The following NALF1 variants were observed in gnomAD, a reference collection of about 807,000 sequenced individuals.
NALF1 encodes NALCN channel auxiliary factor 1.
Under a neutral mutation model 48.4 loss-of-function variants are expected in NALF1, and 3 were observed. The observed-to-expected ratio is 0.06, with a 90% CI of 0.03 to 0.16. NALF1 has a LOEUF of 0.16. Ranked by LOEUF, NALF1 falls within the 10% of genes least tolerant of loss-of-function variation. The pLI is 1.00. For synonymous variants in NALF1, 262 were observed against 245.7 expected, an observed-to-expected ratio of 1.07 and a Z score of -0.62; for missense variants, 526 against 571.5, an observed-to-expected ratio of 0.92 and a Z score of 0.81.
chr13:107,434,130 A>T (rs118057151), intron 1 of NALF1, among the ~76,000 whole-genome samples: 1 of 152,194 alleles, frequency 6.6e-6, no homozygotes, highest in Non-Finnish European at 1.5e-5. Flanking sequence ...GAATTCTACA[A>T]CTGTCATATT....
intron 1 of NALF1, among the ~76,000 whole-genome samples, chr13:107,386,636 G>T (rs1883535699): frequency 6.6e-6 from 1 of 152,156 alleles, no homozygotes; most frequent in African/African-American, 2.4e-5. Context: ...GCCAAACCAG[G>T]GAGATGGCCT....
intron 1 of NALF1, among the ~76,000 whole-genome samples, chr13:107,245,174 C>T (rs1880555000): frequency 6.6e-6 from 1 of 152,126 alleles, no homozygotes; most frequent in Non-Finnish European, 1.5e-5. Flanking sequence ...AATGTATTTA[C>T]AAAGCGACTA....
intron 1 of NALF1, among the ~76,000 whole-genome samples, chr13:107,432,193 C>T (rs1180413395): frequency 2.6e-5 from 4 of 152,110 alleles, no homozygotes; most frequent in Admixed American, 6.6e-5. Flanking sequence ...CATGAGGAGG[C>T]GCCACAGTCT....
intron 1 of NALF1, among the ~76,000 whole-genome samples, chr13:107,583,208 CATA>C (rs767379168): frequency 6.6e-5 from 10 of 151,912 alleles, no homozygotes; most frequent in South Asian, 4.2e-4. Flanking sequence ...ATTTATGAAA[CATA>C]ATGTTATATA....
At chr13:107,244,551 GT>G (rs981971197) in intron 1 of NALF1, among the ~76,000 whole-genome samples, 3 of 152,170 alleles carry the variant, frequency 2.0e-5, no homozygotes. Context: ...TGTCAATCTA[GT>G]TTTTTTGGAG....
chr13:107,451,543 A>T (rs944672163), intron 1 of NALF1, among the ~76,000 whole-genome samples: 1 of 152,206 alleles, frequency 6.6e-6, no homozygotes, highest in Non-Finnish European at 1.5e-5. Context: ...TAGCTAGGAT[A>T]AGCAGCATGT....
intron 1 of NALF1, among the ~76,000 whole-genome samples, chr13:107,617,700 AAAG>A (rs1217811467): frequency 2.6e-5 from 4 of 152,210 alleles, no homozygotes; most frequent in African/African-American, 9.6e-5. Context: ...GGACAAGTGC[AAAG>A]AAGGCAGCTG....
chr13:107,226,372 TAAC>T lies in NALF1; in HGVS notation c.916-15620_916-15618del, dbSNP rs200431436. On this transcript the variant is annotated intron_variant, in intron 1 of 2. Coordinates refer to ENST00000375915, the MANE Select transcript of NALF1 (RefSeq NM_001080396.3). The stretch of plus-strand genomic sequence containing the variant: ...TACATTTTTCAGCGTAAGCACAAAA[TAAC>T]GTTAACTATACATTTATTAGAATGT... 6.3e-3 allele frequency among the ~76,000 whole-genome samples: 952 copies of T among 152,320 alleles called. 4 individuals carry two copies. The highest frequency in any genetic ancestry group is 0.021 in the African/African-American group (882 of 41,578).
At chr13:107,856,661 AAT>A (rs1438202429) in intron 1 of NALF1, among the ~76,000 whole-genome samples, 2 of 152,192 alleles carry the variant, frequency 1.3e-5, no homozygotes, top group African/African-American at 4.8e-5. Context: ...GGCTAAAAAA[AAT>A]AGTTATTTTT....
At chr13:107,708,523 T>C (rs755721127) in intron 1 of NALF1, among the ~76,000 whole-genome samples, 12 of 129,798 alleles carry the variant, frequency 9.2e-5, no homozygotes, top group Non-Finnish European at 2.1e-4. Context: ...CAAGCTGTAA[T>C]TATTTTAAGA....
intron 1 of NALF1, among the ~76,000 whole-genome samples, chr13:107,621,690 C>A (rs1260735115): frequency 2.0e-5 from 3 of 152,210 alleles, no homozygotes; most frequent in Non-Finnish European, 4.4e-5. Context: ...GTCTGGCTCT[C>A]TGCCCTGTCA....
Position 107,867,304 on chromosome 13 carries a change from T to TGCC in NALF1, c.-711_-709dup, listed in dbSNP as rs71121563. Reference sequence around the variant, plus strand: ...ACCCCCCACCCCGCGCTCTAAGTGCTGCCGCCGCCGCCGCCGCCGCCGCCG... The same window carrying TGCC: ...ACCCCCCACCCCGCGCTCTAAGTGCTGCCGCCGCCGCCGCCGCCGCCGCCGCCG... On this transcript the variant is annotated 5_prime_UTR_variant, in exon 1 of 3. Transcript: ENST00000375915. This position sits in a 1 kb window ranked among gnomAD's most constrained non-coding sequence, Gnocchi z 4.4. 3.8e-4 allele frequency among the ~76,000 whole-genome samples: 39 copies of TGCC among 103,534 alleles called. No homozygotes were observed. The highest frequency in any genetic ancestry group is 1.0e-3 in the Admixed American group (11 of 10,798). 67.9% of individuals were successfully genotyped at this position (103,534 alleles called of 152,430 possible). A position where few individuals can be genotyped will look rare whatever the true frequency, so the allele number is the denominator to read the frequency against.
At chr13:107,300,994 T>C (rs1175033267) in intron 1 of NALF1, among the ~76,000 whole-genome samples, 1 of 152,220 alleles carries the variant, frequency 6.6e-6, no homozygotes, top group Admixed American at 6.5e-5. Context: ...GGTTACTATA[T>C]AAAATGGAAT....
chr13:107,253,580 G>C (rs563645299), intron 1 of NALF1, among the ~76,000 whole-genome samples: 1 of 152,304 alleles, frequency 6.6e-6, no homozygotes, highest in African/African-American at 2.4e-5. Flanking sequence ...ACTTCTGAAA[G>C]ATTAATTCTA....
At chr13:107,400,221 G>A (rs1883781196) in intron 1 of NALF1, among the ~76,000 whole-genome samples, 1 of 152,042 alleles carries the variant, frequency 6.6e-6, no homozygotes, top group African/African-American at 2.4e-5. Context: ...AATAATTTAT[G>A]CACATATAGG....
intron 1 of NALF1, among the ~76,000 whole-genome samples, chr13:107,416,154 C>T (rs1000045919): frequency 6.6e-6 from 1 of 150,470 alleles, no homozygotes; most frequent in African/African-American, 2.5e-5. Flanking sequence ...CTACAGGCAC[C>T]CACCACCATG....
In NALF1 at chr13:107,323,594, C is replaced by T. The variant is rs1372698848; in HGVS notation, c.916-112839G>A. Among the ~76,000 whole-genome samples the T allele has an allele frequency of 2.0e-5, 3 of 152,232 alleles. No individual in the cohort carries two copies. The East Asian group carries it at 5.8e-4, about 29-fold the overall frequency. On this transcript the variant is annotated intron_variant, in intron 1 of 2. Transcript: ENST00000375915. Reference sequence around the variant, plus strand: ...TCTTCCAATGACTCCTAATTACTCACTTACCCCCAATCAGACTGTGAGGGA... The same window carrying T: ...TCTTCCAATGACTCCTAATTACTCATTTACCCCCAATCAGACTGTGAGGGA...
intron 1 of NALF1, among the ~76,000 whole-genome samples, chr13:107,384,432 G>T (rs4372568): frequency 0.63 from 96,091 of 151,976 alleles, 30,461 homozygotes; most frequent in Middle Eastern, 0.69. Context: ...AAATAACTAC[G>T]AAATTTCAAA....
intron 1 of NALF1, among the ~76,000 whole-genome samples, chr13:107,325,714 A>C (rs1882338573): frequency 6.6e-6 from 1 of 151,048 alleles, no homozygotes. Context: ...GATGGCATGC[A>C]CCTGTAATCT....
Sources: gnomAD v4.1 joint callset for allele counts (sites outside exome capture counted in the v4.1 genomes callset) on GRCh38, gnomAD v4.1.1 for gene constraint, Gnocchi (gnomAD v3.1) non-coding constraint, MANE v1.5 for transcripts, NCBI Gene and HGNC (gene_info 2026-07-23, HGNC 2026-07-21) for gene names.